The following TMEM41B variants were observed in gnomAD, a reference collection of about 807,000 sequenced individuals.
TMEM41B encodes the protein protein stasimon.
TMEM41B carries 18 observed loss-of-function variants against 31.9 expected under a neutral mutation model. The observed-to-expected ratio is 0.56, with a 90% CI of 0.39 to 0.84. The LOEUF is 0.84. TMEM41B is among the 40% of genes least tolerant of loss of function. The pLI, the probability that TMEM41B is intolerant of heterozygous loss-of-function variation, is 0.00. For missense variants in TMEM41B, 322 were observed against 348.0 expected (o/e 0.93, Z 0.59); for synonymous variants, 144 against 124.3 (o/e 1.16, Z -1.05).
intron 2 of TMEM41B, among the ~76,000 whole-genome samples, chr11:9,299,163 C>G (rs1191016469): frequency 6.6e-6 from 1 of 151,420 alleles, no homozygotes; most frequent in African/African-American, 2.4e-5. Context: ...CCCCTATAAT[C>G]CCAGCTACTC....
At chr11:9,287,917 G>A (rs1852872663) in intron 4 of TMEM41B, 111 bp from the exon 5 acceptor site, 1 of 784,568 alleles carries the variant, frequency 1.3e-6, no homozygotes, top group African/African-American at 1.8e-5. Context: ...AGGTGGGGAG[G>A]GTACTCTGCA....
chr11:9,303,959 C>A (rs1242663170), intron 1 of TMEM41B, among the ~76,000 whole-genome samples: 1 of 152,250 alleles, frequency 6.6e-6, no homozygotes, highest in South Asian at 2.1e-4. Flanking sequence ...TGAGCCACCA[C>A]GCCCGGCCTC....
At chr11:9,298,950 T>C (rs972972939) in intron 2 of TMEM41B, among the ~76,000 whole-genome samples, 2 of 151,946 alleles carry the variant, frequency 1.3e-5, no homozygotes, top group East Asian at 3.9e-4. Flanking sequence ...GTGGTATTAC[T>C]AGGGTTTAAT....
chr11:9,283,946 G>A (rs945225981), intron 6 of TMEM41B, among the ~76,000 whole-genome samples: 3 of 151,162 alleles, frequency 2.0e-5, no homozygotes, highest in Admixed American at 6.6e-5. Context: ...CACCACACCC[G>A]GCTAATTTTG....
rs1352797126 is a variant in TMEM41B at position 9,296,231 on chromosome 11, CAG to C, written c.240-846_240-845del. On this transcript the variant is annotated intron_variant, in intron 2 of 6. Coordinates refer to ENST00000528080, the MANE Select transcript of TMEM41B (RefSeq NM_015012.4). ...TTTCTTTTTAATGTCTCAGCAGAAT[CAG>C]AGACAGGTAATTTATATATGAAGGC... 8.5e-5 allele frequency among the ~76,000 whole-genome samples: 13 copies of C among 152,106 alleles called. No homozygotes were observed. The East Asian group carries it at 2.3e-3, about 27-fold the overall frequency.
At chr11:9,287,392 A>G (rs898200240) in intron 5 of TMEM41B, among the ~76,000 whole-genome samples, 6 of 152,240 alleles carry the variant, frequency 3.9e-5, no homozygotes, top group Admixed American at 6.5e-5. Flanking sequence ...CTGCATTAAC[A>G]TAAAACAGAT....
At chr11:9,309,597 T>C (rs1467398585) in intron 1 of TMEM41B, among the ~76,000 whole-genome samples, 1 of 151,336 alleles carries the variant, frequency 6.6e-6, no homozygotes, top group East Asian at 2.0e-4. Context: ...CAAGGCAGGA[T>C]CTAGACCAGG....
chr11:9,288,396 A>G lies in TMEM41B; in HGVS notation c.462+46T>C, dbSNP rs557640968. On this transcript the variant is annotated intron_variant, in intron 4 of 6. Transcript: ENST00000528080. Reference sequence around the variant, plus strand: ...TTAAAGTATCATCATCATCCTCATCATTCTATTGTTTTTTCAGTCTCCCAA... The same window carrying G: ...TTAAAGTATCATCATCATCCTCATCGTTCTATTGTTTTTTCAGTCTCCCAA... The G allele has an allele frequency of 2.1e-5, 27 of 1,314,098 alleles. No homozygotes were observed. The African/African-American group carries it at 3.3e-4, about 16-fold the overall frequency. 81.4% of individuals were successfully genotyped at this position (1,314,098 alleles called of 1,614,324 possible). A position where few individuals can be genotyped will look rare whatever the true frequency, so the allele number is the denominator to read the frequency against.
intron 1 of TMEM41B, among the ~76,000 whole-genome samples, chr11:9,301,340 A>T (rs534104019): frequency 5.9e-5 from 9 of 151,970 alleles, no homozygotes; most frequent in South Asian, 2.1e-4. Flanking sequence ...GCTTGCAGTG[A>T]GCCAAGATCG....
chr11:9,307,720 G>T (rs964608127), intron 1 of TMEM41B, among the ~76,000 whole-genome samples: 1 of 152,024 alleles, frequency 6.6e-6, no homozygotes, highest in Non-Finnish European at 1.5e-5. Flanking sequence ...AGGATTACAG[G>T]CATGAGCCAC....
chr11:9,314,548 G>A lies in TMEM41B; in HGVS notation c.-107C>T, dbSNP rs1564971428. 1.4e-6 allele frequency: 2 copies of A among 1,415,380 alleles called. No individual in the cohort carries two copies. Among genetic ancestry groups the A allele is most frequent in the African/African-American group, 1.5e-5 (1 of 68,434 alleles). The allele number at this position is 1,415,380 out of a possible 1,614,324, so 87.7% of individuals were successfully genotyped here. A position where few individuals can be genotyped will look rare whatever the true frequency, so the allele number is the denominator to read the frequency against. ...AAGCGCCACGGCTAGAGCCACTTCC[G>A]GCGCGACCTCCTCACCCGAGACGAC... On this transcript the variant is annotated 5_prime_UTR_variant, in exon 1 of 7. Transcript: ENST00000528080.
chr11:9,311,562 G>A (rs1564970015), intron 1 of TMEM41B: 2 of 1,156,410 alleles, frequency 1.7e-6, no homozygotes, highest in Non-Finnish European at 2.5e-6. Context: ...TCCTGGGGGA[G>A]GAGGACAGGG....
intron 6 of TMEM41B, among the ~76,000 whole-genome samples, chr11:9,284,673 G>C (rs1039876761): frequency 6.6e-6 from 1 of 151,850 alleles, no homozygotes; most frequent in Non-Finnish European, 1.5e-5. Context: ...TGAGGCAAAA[G>C]AATCACTTGA....
chr11:9,283,065 A>T lies in TMEM41B; in HGVS notation c.*359T>A, dbSNP rs1852757762. The T allele has an allele frequency of 6.5e-6, 1 of 154,802 alleles. No homozygotes were observed. Among genetic ancestry groups the T allele is most frequent in the Non-Finnish European group, 1.4e-5 (1 of 69,974 alleles). The allele number at this position is 154,802 out of a possible 1,614,324, so 9.6% of individuals were successfully genotyped here. A position where few individuals can be genotyped will look rare whatever the true frequency, so the allele number is the denominator to read the frequency against. On this transcript the variant is annotated 3_prime_UTR_variant, in exon 7 of 7. Coordinates refer to ENST00000528080, the MANE Select transcript of TMEM41B (RefSeq NM_015012.4). ...CACTACTTTAAAAAATCTAGAATTTAAAAATATCTATTTTAGTTATTAAAG... is the reference window on the plus strand; with the variant it reads ...CACTACTTTAAAAAATCTAGAATTTTAAAATATCTATTTTAGTTATTAAAG...
rs1407222008 is a variant in TMEM41B at position 9,281,926 on chromosome 11, G to A, written c.*1498C>T. On this transcript the variant is annotated 3_prime_UTR_variant, in exon 7 of 7. Coordinates refer to ENST00000528080, the MANE Select transcript of TMEM41B (RefSeq NM_015012.4). ...AGATTAATAAATGAGGTAAAATTTAGTCATTGGAACAAATAAACTATATTT... is the reference window on the plus strand; with the variant it reads ...AGATTAATAAATGAGGTAAAATTTAATCATTGGAACAAATAAACTATATTT... 1 of 152,110 alleles carries A rather than the reference G, an allele frequency of 6.6e-6. No homozygotes were observed. Among genetic ancestry groups the A allele is most frequent in the Non-Finnish European group, 1.5e-5 (1 of 68,022 alleles). 9.4% of individuals were successfully genotyped at this position (152,110 alleles called of 1,614,324 possible).
chr11:9,314,301 T>G lies in TMEM41B; in HGVS notation c.121+20A>C, dbSNP rs748928587. 8.8e-6 allele frequency: 14 copies of G among 1,590,976 alleles called. No individual in the cohort carries two copies. The highest frequency in any genetic ancestry group is 1.7e-5 in the Admixed American group (1 of 59,232). ...AGAAGCCTCGGGCCACCCCCAGCTC[T>G]GCTCCCCGGGCCCACTCACCCTTCT... On this transcript the variant is annotated intron_variant, in intron 1 of 6. Coordinates refer to ENST00000528080, the MANE Select transcript of TMEM41B (RefSeq NM_015012.4).
intron 6 of TMEM41B, 75 bp from the exon 7 acceptor site, chr11:9,283,668 TAA>T (rs1852772907): frequency 3.1e-6 from 4 of 1,307,986 alleles, no homozygotes; most frequent in Middle Eastern, 4.3e-4. Flanking sequence ...TCTGTGTGCA[TAA>T]AGTTTCTTAA....
intron 1 of TMEM41B, chr11:9,311,246 G>A (rs1448108758): frequency 1.3e-6 from 2 of 1,493,106 alleles, no homozygotes; most frequent in East Asian, 3.0e-5. Context: ...AGCAGAACTG[G>A]TGAGACTTGA....
rs539215767 is a variant in TMEM41B at position 9,311,618 on chromosome 11, G to A, written c.121+2703C>T. The A allele has an allele frequency of 6.4e-6, 6 of 933,070 alleles. No homozygotes were observed. In the South Asian group the frequency reaches 7.7e-5, roughly 12 times the overall value. 57.8% of individuals were successfully genotyped at this position (933,070 alleles called of 1,614,324 possible). ...TGATAGGTGGTGAGTGGGCAGGATTGGAACCTCCAGGGCACCCAATGTTGG... is the reference window on the plus strand; with the variant it reads ...TGATAGGTGGTGAGTGGGCAGGATTAGAACCTCCAGGGCACCCAATGTTGG... On this transcript the variant is annotated intron_variant, in intron 1 of 6. Coordinates refer to ENST00000528080, the MANE Select transcript of TMEM41B (RefSeq NM_015012.4).
Sources: gnomAD v4.1 joint callset for allele counts (sites outside exome capture counted in the v4.1 genomes callset) on GRCh38, gnomAD v4.1.1 for gene constraint, MANE v1.5 for transcripts, NCBI Gene and HGNC (gene_info 2026-07-23, HGNC 2026-07-21) for gene names.